The following CYB5B variants were observed in gnomAD, a reference collection of about 807,000 sequenced individuals.
The protein encoded by CYB5B is cytochrome b5 type B (outer mitochondrial membrane).
In CYB5B, 14 loss-of-function variants were observed where a neutral mutation model predicts 21.3. The observed-to-expected ratio is 0.66, with a 90% CI of 0.43 to 1.03. The LOEUF (loss-of-function observed/expected upper bound fraction) is 1.03. CYB5B is among the 50% of genes least tolerant of loss of function. The pLI, the probability that CYB5B is intolerant of heterozygous loss-of-function variation, is 0.00. For missense variants in CYB5B, 166 were observed against 185.1 expected (o/e 0.90, Z 0.60); for synonymous variants, 69 against 68.4 (o/e 1.01, Z -0.04).
intron 1 of CYB5B, among the ~76,000 whole-genome samples, chr16:69,435,379 A>G (rs1260647646): frequency 2.6e-5 from 4 of 152,204 alleles, no homozygotes; most frequent in African/African-American, 9.6e-5. Context: ...TTGAGTACCA[A>G]GTGGCAAGTG....
At chr16:69,444,368 T>C (rs1597283302) in intron 1 of CYB5B, 2 of 152,694 alleles carry the variant, frequency 1.3e-5, no homozygotes. Flanking sequence ...GGCCTTCGTA[T>C]GCTCCTCAGC....
intron 4 of CYB5B, among the ~76,000 whole-genome samples, chr16:69,461,265 C>T (rs961510516): frequency 2.0e-5 from 3 of 151,938 alleles, no homozygotes; most frequent in Non-Finnish European, 4.4e-5. Flanking sequence ...AAGGATCCTA[C>T]TTTTGGATTC....
rs1321032766 is a variant in CYB5B at position 69,464,859 on chromosome 16, T to C, written c.*2339T>C. On this transcript the variant is annotated 3_prime_UTR_variant, in exon 5 of 5. Transcript: ENST00000307892. ...ATCCCCCAGTACCCAGGGCTTCTTCTGAACTACTGCCGATGTGATGTCACT... is the reference window on the plus strand; with the variant it reads ...ATCCCCCAGTACCCAGGGCTTCTTCCGAACTACTGCCGATGTGATGTCACT... 6.6e-6 allele frequency: 1 copy of C among 152,656 alleles called. No homozygotes were observed. The highest frequency in any genetic ancestry group is 1.5e-5 in the Non-Finnish European group (1 of 68,042). 9.5% of individuals were successfully genotyped at this position (152,656 alleles called of 1,614,324 possible). A position where few individuals can be genotyped will look rare whatever the true frequency, so the allele number is the denominator to read the frequency against.
At chr16:69,462,091 G>A (rs757440349) in intron 4 of CYB5B, among the ~76,000 whole-genome samples, 25 of 152,066 alleles carry the variant, frequency 1.6e-4, no homozygotes, top group African/African-American at 4.3e-4. Flanking sequence ...TGTAGAATAC[G>A]TGAAAAGCAA....
intron 3 of CYB5B, among the ~76,000 whole-genome samples, chr16:69,453,022 A>G (rs899720582): frequency 7.9e-5 from 12 of 151,936 alleles, no homozygotes; most frequent in Non-Finnish European, 1.6e-4. Flanking sequence ...GATCTTTCTC[A>G]TTTTTTAAGT....
chr16:69,465,913 G>T lies in CYB5B; in HGVS notation c.*3393G>T, dbSNP rs1047846611. The stretch of plus-strand genomic sequence containing the variant: ...TCTGAAAGAGCCAGGTTTGGAATTT[G>T]TGGGGGTGATCTAGGAAGAAGGTTC... On this transcript the variant is annotated 3_prime_UTR_variant, in exon 5 of 5. Coordinates refer to ENST00000307892, the MANE Select transcript of CYB5B (RefSeq NM_030579.3). 3 of 152,438 alleles carry T rather than the reference G, an allele frequency of 2.0e-5. No homozygotes were observed. In the East Asian group the frequency reaches 5.8e-4, roughly 29 times the overall value. The allele number at this position is 152,438 out of a possible 1,614,324, so 9.4% of individuals were successfully genotyped here.
Position 69,424,703 on chromosome 16 carries a change from C to G in CYB5B, c.20C>G (p.Thr7Ser). The G allele has an allele frequency of 6.3e-7, 1 of 1,590,156 alleles. No homozygotes were observed. Among genetic ancestry groups the G allele is most frequent in the South Asian group, 1.1e-5 (1 of 88,328 alleles). MSGSMA[T>S]AEASGSDGKG... ...GGCAGTATGTCCGGTTCAATGGCGA[C>G]TGCGGAAGCTAGCGGCAGCGATGGG... The change falls in exon 1 of 5, where the codon ACT becomes AGT. Residue 7 changes from threonine (T) to serine (S), a missense_variant. Transcript: ENST00000307892.
At chr16:69,460,020 G>A (rs138040211) in intron 4 of CYB5B, among the ~76,000 whole-genome samples, 18 of 152,218 alleles carry the variant, frequency 1.2e-4, no homozygotes, top group African/African-American at 4.3e-4. Context: ...GGAGGCTGAG[G>A]CGGGTGGATC....
At chr16:69,452,931 G>A (rs780376269) in intron 3 of CYB5B, among the ~76,000 whole-genome samples, 1 of 151,598 alleles carries the variant, frequency 6.6e-6, no homozygotes, top group African/African-American at 2.4e-5. Context: ...CCCGGGAGGC[G>A]GAGGTTGCAA....
chr16:69,463,401 A>G lies in CYB5B; in HGVS notation c.*881A>G, dbSNP rs1427224179. On this transcript the variant is annotated 3_prime_UTR_variant, in exon 5 of 5. Coordinates refer to ENST00000307892, the MANE Select transcript of CYB5B (RefSeq NM_030579.3). ...GAATTCAGAGTAATCTTTCTTTAGA[A>G]AACTGGTGTTTTCTAAAGAAACAGG... 1.3e-5 allele frequency: 2 copies of G among 152,130 alleles called. No homozygotes were observed. Among genetic ancestry groups the G allele is most frequent in the Non-Finnish European group, 2.9e-5 (2 of 68,022 alleles). 9.4% of individuals were successfully genotyped at this position (152,130 alleles called of 1,614,324 possible). A position where few individuals can be genotyped will look rare whatever the true frequency, so the allele number is the denominator to read the frequency against.
rs2015062792 is a variant in CYB5B, at chr16:69,464,092, C to T, written c.*1572C>T. 6.6e-6 allele frequency: 1 copy of T among 152,220 alleles called. No individual in the cohort carries two copies. Among genetic ancestry groups the T allele is most frequent in the South Asian group, 2.1e-4 (1 of 4,834 alleles). 9.4% of individuals were successfully genotyped at this position (152,220 alleles called of 1,614,324 possible). On this transcript the variant is annotated 3_prime_UTR_variant, in exon 5 of 5. Transcript: ENST00000307892. ...TCAGCATCTCCTCCCTCCCTCCCAG[C>T]TTGCCAGGGATTTGATGAGACAGGA...
intron 1 of CYB5B, among the ~76,000 whole-genome samples, chr16:69,432,574 G>C (rs1216548953): frequency 6.6e-6 from 1 of 152,146 alleles, no homozygotes; most frequent in Non-Finnish European, 1.5e-5. Flanking sequence ...AATATATACA[G>C]AAATAGAGTC....
intron 3 of CYB5B, among the ~76,000 whole-genome samples, chr16:69,453,868 T>G (rs1449990101): frequency 1.3e-5 from 2 of 152,196 alleles, no homozygotes; most frequent in Non-Finnish European, 2.9e-5. Flanking sequence ...ACCTGGCTTA[T>G]TTCCCATTTT....
At chr16:69,436,571 T>C (rs2014762345) in intron 1 of CYB5B, among the ~76,000 whole-genome samples, 1 of 152,216 alleles carries the variant, frequency 6.6e-6, no homozygotes, top group African/African-American at 2.4e-5. Flanking sequence ...TTCTCTGCCC[T>C]GCAGACTGTT....
At position 69,463,655 on chromosome 16, in the gene CYB5B, C is replaced by T. The variant is rs1282358931; in HGVS notation, c.*1135C>T. On this transcript the variant is annotated 3_prime_UTR_variant, in exon 5 of 5. Transcript: ENST00000307892. ...CCAGCATGGCCTTCTGTTTGCCCCG[C>T]AGTAAAGTAACTTCCATATAAAATG... is the stretch of plus-strand genomic sequence containing the variant. 6.6e-6 allele frequency: 1 copy of T among 152,192 alleles called. No homozygotes were observed. The highest frequency in any genetic ancestry group is 2.4e-5 in the African/African-American group (1 of 41,440). The allele number at this position is 152,192 out of a possible 1,614,324, so 9.4% of individuals were successfully genotyped here. A position where few individuals can be genotyped will look rare whatever the true frequency, so the allele number is the denominator to read the frequency against.
chr16:69,459,988 C>T (rs556357089), intron 4 of CYB5B, among the ~76,000 whole-genome samples: 32 of 152,074 alleles, frequency 2.1e-4, no homozygotes, highest in African/African-American at 4.1e-4. Context: ...CGGTGGCTCA[C>T]GCTTGTAATC....
intron 3 of CYB5B, among the ~76,000 whole-genome samples, chr16:69,454,256 C>A (rs148887228): frequency 2.0e-4 from 30 of 152,186 alleles, no homozygotes; most frequent in African/African-American, 6.5e-4. Flanking sequence ...TTTGCCATAT[C>A]TACAGGGAAA....
chr16:69,457,969 G>A (rs2014998255), intron 3 of CYB5B, among the ~76,000 whole-genome samples: 1 of 152,114 alleles, frequency 6.6e-6, no homozygotes, highest in Non-Finnish European at 1.5e-5. Context: ...TTCATACCCT[G>A]ATATACTTCT....
At chr16:69,442,048 T>C (rs1394964274) in intron 1 of CYB5B, among the ~76,000 whole-genome samples, 1 of 152,228 alleles carries the variant, frequency 6.6e-6, no homozygotes, top group African/African-American at 2.4e-5. Flanking sequence ...TGCTTATCTA[T>C]AGTTTCTAAA....
Sources: gnomAD v4.1 joint callset for allele counts (sites outside exome capture counted in the v4.1 genomes callset) on GRCh38, gnomAD v4.1.1 for gene constraint, MANE v1.5 for transcripts, NCBI Gene and HGNC (gene_info 2026-07-23, HGNC 2026-07-21) for gene names.